Variants in MMP17 observed in about 807,000 individuals in gnomAD.
MMP17 encodes matrix metalloproteinase-17.
A neutral mutation model predicts 49.1 loss-of-function variants in MMP17; 54 were observed. That is an observed-to-expected ratio of 1.10 (90% CI 0.88 to 1.38). The LOEUF is 1.38. Ranked by LOEUF, MMP17 falls within the 40% of genes most tolerant of loss-of-function variation. The pLI, the probability that MMP17 is intolerant of heterozygous loss-of-function variation, is 0.00. For missense variants in MMP17, 837 were observed against 853.7 expected (o/e 0.98, Z 0.24); for synonymous variants, 397 against 383.1 (o/e 1.04, Z -0.42).
intron 9 of MMP17, 117 bp downstream of exon 9, chr12:131,850,176 G>T: frequency 7.4e-7 from 1 of 1,359,230 alleles, no homozygotes; most frequent in Non-Finnish European, 9.7e-7. Flanking sequence ...GTCGGTGTGG[G>T]CTCTGAGGGT....
chr12:131,847,396 G>C (rs1452055629), intron 8 of MMP17, among the ~76,000 whole-genome samples: 2 of 146,350 alleles, frequency 1.4e-5, no homozygotes, highest in South Asian at 2.1e-4. Flanking sequence ...CTGGGTGACA[G>C]AGCGAGACTC....
Position 131,840,561 on chromosome 12 carries a change from C to T in MMP17, c.423-12C>T, listed in dbSNP as rs1365215068. On this transcript the variant is annotated splice_polypyrimidine_tract_variant and intron_variant, in intron 3 of 9. Coordinates refer to ENST00000360564, the MANE Select transcript of MMP17 (RefSeq NM_016155.7). ...TCTCCGTGACTCACTCTGGGCTGAC[C>T]CCTGCCTGCAGGGTCCGGACGTTCC... 4.5e-6 allele frequency: 7 copies of T among 1,567,362 alleles called. No individual in the cohort carries two copies. The highest frequency in any genetic ancestry group is 1.3e-5 in the African/African-American group (1 of 74,470).
chr12:131,845,991 C>T (rs752448835), intron 8 of MMP17, among the ~76,000 whole-genome samples: 18 of 152,132 alleles, frequency 1.2e-4, no homozygotes, highest in African/African-American at 2.2e-4. Context: ...GCCCCGGTGC[C>T]CACCGTTCCA....
In MMP17 at chr12:131,841,790, G is replaced by T; in HGVS notation, c.873G>T (p.Trp291Cys). 1 of 1,594,228 alleles carries T rather than the reference G, an allele frequency of 6.3e-7. No individual in the cohort carries two copies. The change falls in exon 5 of 10, where the codon TGG becomes TGT. Residue 291 changes from tryptophan (W) to cysteine (C), a missense_variant. Coordinates refer to ENST00000360564, the MANE Select transcript of MMP17 (RefSeq NM_016155.7). ...CCTACGAGGACAAGGTGCGCGTCTG[G>T]CAGCTGTACGGTGAGTGTCTCCCCG... ...GLPYEDKVRV[W>C]QLYGVRESVS...
At chr12:131,847,375 T>C (rs1211076223) in intron 8 of MMP17, among the ~76,000 whole-genome samples, 2 of 142,028 alleles carry the variant, frequency 1.4e-5, no homozygotes, top group Non-Finnish European at 1.5e-5. Flanking sequence ...ATCACACCAC[T>C]GGACTCCAGC....
At chr12:131,844,223 G>A in intron 6 of MMP17, 142 bp downstream of exon 6, 1 of 717,838 alleles carries the variant, frequency 1.4e-6, no homozygotes, top group South Asian at 1.6e-5. Context: ...GTGACATTTT[G>A]TCTTTTCTTA....
At chr12:131,845,084 C>A in intron 6 of MMP17, 34 bp from the exon 7 acceptor site, 1 of 1,592,462 alleles carries the variant, frequency 6.3e-7, no homozygotes, top group Non-Finnish European at 8.5e-7. Flanking sequence ...TGCCCAGGCC[C>A]CGCCTCCCAG....
chr12:131,846,126 A>G lies in MMP17; in HGVS notation c.1204+677A>G, dbSNP rs184832758. Among the ~76,000 whole-genome samples the G allele has an allele frequency of 1.3e-3, 191 of 152,304 alleles. No individual in the cohort carries two copies. Among genetic ancestry groups the G allele is most frequent in the African/African-American group, 4.5e-3 (187 of 41,582 alleles). On this transcript the variant is annotated intron_variant, in intron 8 of 9. Transcript: ENST00000360564. The surrounding 1 kb of genome is among the most constrained non-coding windows in gnomAD (Gnocchi z 4.6). ...GCAGGGCTGCAGGACAGAGACCCCC[A>G]TGCTGGGCTGAAACACCCGGAGTTT...
intron 1 of MMP17, among the ~76,000 whole-genome samples, chr12:131,833,093 G>A (rs1044664403): frequency 3.9e-5 from 6 of 152,192 alleles, no homozygotes; most frequent in South Asian, 2.1e-4. Flanking sequence ...CTGTGCCTCC[G>A]TGTTCTCATC....
rs3087864 is a variant in MMP17 at position 131,846,828 on chromosome 12, C to T, written c.1204+1379C>T. The stretch of plus-strand genomic sequence containing the variant: ...ACTCCCACAGTCACGGGCGGGACCC[C>T]GTTTCCTTGCCGAGGTAAAGGGTGT... On this transcript the variant is annotated intron_variant, in intron 8 of 9. Transcript: ENST00000360564. This position sits in a 1 kb window ranked among gnomAD's most constrained non-coding sequence, Gnocchi z 4.6. 0.67 allele frequency among the ~76,000 whole-genome samples: 101,767 copies of T among 151,994 alleles called. 35,008 individuals are homozygous for T. Among genetic ancestry groups the T allele is most frequent in the Non-Finnish European group, 0.75 (51,155 of 67,966 alleles).
intron 4 of MMP17, 57 bp from the exon 5 acceptor site, chr12:131,841,567 C>G (rs1268573691): frequency 1.6e-5 from 26 of 1,585,990 alleles, no homozygotes; most frequent in African/African-American, 2.7e-5. Flanking sequence ...GCTGGTCCCT[C>G]CCCGCGGGGA....
chr12:131,829,176 C>T (rs1248796988), intron 1 of MMP17, among the ~76,000 whole-genome samples: 1 of 152,192 alleles, frequency 6.6e-6, no homozygotes, highest in Non-Finnish European at 1.5e-5. Flanking sequence ...GGGATGCTGG[C>T]CCCCAGCTCC....
At chr12:131,841,874 G>A in intron 5 of MMP17, 74 bp downstream of exon 5, 1 of 1,447,690 alleles carries the variant, frequency 6.9e-7, no homozygotes, top group Non-Finnish European at 9.2e-7. Context: ...CCTGAGCAGA[G>A]CCCCCCCGGG....
At chr12:131,838,165 G>C (rs1329636363) in intron 1 of MMP17, 30 bp from the exon 2 acceptor site, 1 of 1,582,264 alleles carries the variant, frequency 6.3e-7, no homozygotes. Flanking sequence ...GCCCTCTGTT[G>C]CACCCCCTCA....
At chr12:131,848,968 C>T (rs1159163072) in intron 8 of MMP17, among the ~76,000 whole-genome samples, 2 of 152,202 alleles carry the variant, frequency 1.3e-5, no homozygotes, top group African/African-American at 2.4e-5. Context: ...CTATTTTTGA[C>T]GTTTTGGGGA....
At position 131,838,240 on chromosome 12, in the gene MMP17, A is replaced by G. The variant is rs1173077145; in HGVS notation, c.205A>G (p.Thr69Ala). ...FGYLPPADPT[T>A]GQLQTQEELS... ...TTACCTGCCCCCGGCTGACCCCACA[A>G]CAGGGCAGCTGCAGACGCAAGAGGA... The change falls in exon 2 of 10, where the codon ACA becomes GCA. Residue 69 changes from threonine (T) to alanine (A), a missense_variant. Thr to Ala is a moderately conservative substitution (Grantham distance 58). Transcript: ENST00000360564. The G allele has an allele frequency of 1.9e-6, 3 of 1,612,998 alleles. No homozygotes were observed. Among genetic ancestry groups the G allele is most frequent in the South Asian group, 1.1e-5 (1 of 91,078 alleles).
At chr12:131,829,932 C>A (rs188237962) in intron 1 of MMP17, among the ~76,000 whole-genome samples, 1 of 152,350 alleles carries the variant, frequency 6.6e-6, no homozygotes, top group Admixed American at 6.5e-5. Context: ...AGCCAGGCAG[C>A]CTGTGAACTT....
intron 1 of MMP17, among the ~76,000 whole-genome samples, chr12:131,833,534 G>A (rs551931087): frequency 1.3e-5 from 2 of 152,220 alleles, no homozygotes; most frequent in East Asian, 1.9e-4. Flanking sequence ...AGAGGAGGCC[G>A]GTGCAGGGGA....
At chr12:131,834,022 C>T (rs560244577) in intron 1 of MMP17, among the ~76,000 whole-genome samples, 60 of 152,364 alleles carry the variant, frequency 3.9e-4, no homozygotes, top group Non-Finnish European at 5.1e-4. Flanking sequence ...CATGGCTGAA[C>T]GGTGAATCCA....
Sources: allele counts gnomAD v4.1 joint callset (sites outside exome capture counted in the v4.1 genomes callset), GRCh38; gene constraint gnomAD v4.1.1; non-coding constraint Gnocchi (gnomAD v3.1); transcripts MANE v1.5; gene names NCBI Gene and HGNC (gene_info 2026-07-23, HGNC 2026-07-21).